GABRB2: variants seen among roughly 807,000 people sequenced by gnomAD.
The protein encoded by GABRB2 is gamma-aminobutyric acid receptor subunit beta-2.
Under a neutral mutation model 54.7 loss-of-function variants are expected in GABRB2, and 16 were observed. The ratio of observed to expected loss-of-function variants is 0.29; its 90% CI spans 0.20 to 0.44. The LOEUF is 0.44. Among genes scored for constraint, GABRB2 ranks in the 20% least tolerant of loss-of-function variants. The probability of loss-of-function intolerance (pLI) is 1.00; values close to 1 mark genes in which losing one functional copy is unlikely to be tolerated. For missense variants in GABRB2, 355 were observed against 644.0 expected (o/e 0.55, Z 4.86); for synonymous variants, 244 against 233.8 (o/e 1.04, Z -0.40).
At chr5:161,322,829 A>G (rs1758250359) in intron 9 of GABRB2, among the ~76,000 whole-genome samples, 1 of 152,074 alleles carries the variant, frequency 6.6e-6, no homozygotes, top group African/African-American at 2.4e-5. Flanking sequence ...TTAGTTTCAT[A>G]AGGATTGCTT....
intron 4 of GABRB2, among the ~76,000 whole-genome samples, chr5:161,444,595 G>A (rs1381544744): frequency 6.6e-6 from 1 of 152,084 alleles, no homozygotes; most frequent in Non-Finnish European, 1.5e-5. Flanking sequence ...ACTCATATTT[G>A]CACTTAATTT....
At chr5:161,503,600 C>T (rs1244036797) in intron 3 of GABRB2, among the ~76,000 whole-genome samples, 3 of 150,460 alleles carry the variant, frequency 2.0e-5, no homozygotes, top group Non-Finnish European at 3.0e-5. Flanking sequence ...CCCAGCTACT[C>T]GGGAGACTGA....
intron 5 of GABRB2, among the ~76,000 whole-genome samples, chr5:161,395,550 C>T (rs1755969938): frequency 6.6e-6 from 1 of 152,096 alleles, no homozygotes; most frequent in Non-Finnish European, 1.5e-5. Flanking sequence ...TATGAAATAA[C>T]ACATATAAGT....
At chr5:161,346,345 G>A (rs1368233076) in intron 5 of GABRB2, among the ~76,000 whole-genome samples, 2 of 152,026 alleles carry the variant, frequency 1.3e-5, no homozygotes, top group Non-Finnish European at 2.9e-5. Context: ...ATGTTCCCTG[G>A]CGAAAAGTGG....
chr5:161,335,529 C>A (rs1753967214), intron 6 of GABRB2, among the ~76,000 whole-genome samples: 1 of 152,026 alleles, frequency 6.6e-6, no homozygotes. Context: ...AATCTGGGTT[C>A]TTTGATTGGA....
At chr5:161,510,249 C>T (rs976658678) in intron 3 of GABRB2, among the ~76,000 whole-genome samples, 5 of 151,488 alleles carry the variant, frequency 3.3e-5, no homozygotes, top group Non-Finnish European at 5.9e-5. Context: ...CCCCCAGCTC[C>T]CCCCCAACCT....
chr5:161,317,718 A>G (rs918609536), intron 9 of GABRB2, among the ~76,000 whole-genome samples: 2 of 152,110 alleles, frequency 1.3e-5, no homozygotes, highest in African/African-American at 4.8e-5. Flanking sequence ...AAAATATCTG[A>G]AATACACATA....
At chr5:161,427,184 C>G (rs1757024911) in intron 4 of GABRB2, among the ~76,000 whole-genome samples, 1 of 152,070 alleles carries the variant, frequency 6.6e-6, no homozygotes, top group South Asian at 2.1e-4. Flanking sequence ...TGAATGAACT[C>G]TGTCTAACTG....
chr5:161,350,883 G>A (rs1385718106), intron 5 of GABRB2, among the ~76,000 whole-genome samples: 1 of 151,976 alleles, frequency 6.6e-6, no homozygotes, highest in Non-Finnish European at 1.5e-5. Context: ...GACTCTCCAG[G>A]GGGTCTCTGG....
At chr5:161,421,388 C>T (rs1326997188) in intron 4 of GABRB2, among the ~76,000 whole-genome samples, 2 of 152,172 alleles carry the variant, frequency 1.3e-5, no homozygotes, top group Non-Finnish European at 2.9e-5. Context: ...CCTCTCTTTC[C>T]CACCGCCACA....
At chr5:161,503,446 A>G (rs1759507841) in intron 3 of GABRB2, among the ~76,000 whole-genome samples, 1 of 152,080 alleles carries the variant, frequency 6.6e-6, no homozygotes, top group Non-Finnish European at 1.5e-5. Context: ...ATAATTAATC[A>G]CATTAAAAGT....
intron 6 of GABRB2, among the ~76,000 whole-genome samples, chr5:161,335,766 TTAGGAAAAG>T (rs1338449045): frequency 6.6e-6 from 1 of 152,150 alleles, no homozygotes; most frequent in Non-Finnish European, 1.5e-5. Context: ...GACCTCAAAC[TTAGGAAAAG>T]TTTCTGTTTG....
At chr5:161,411,768 CTTTCTA>C (rs1473307165) in intron 4 of GABRB2, among the ~76,000 whole-genome samples, 1 of 151,784 alleles carries the variant, frequency 6.6e-6, no homozygotes, top group Non-Finnish European at 1.5e-5. Context: ...TTTTACTAAT[CTTTCTA>C]TTGACCTTCT....
chr5:161,413,855 G>A (rs1756589827), intron 4 of GABRB2, among the ~76,000 whole-genome samples: 1 of 152,152 alleles, frequency 6.6e-6, no homozygotes, highest in Non-Finnish European at 1.5e-5. Flanking sequence ...GTTAATGAGT[G>A]AAGTTTGCAA....
Position 161,289,801 on chromosome 5 carries a change from GTGTGTGTGTGTGACTGTGTGTGAC to G in GABRB2, c.*4256_*4279del, listed in dbSNP as rs1580949959. 7.6e-6 allele frequency: 1 copy of G among 130,728 alleles called. No homozygotes were observed. The highest frequency in any genetic ancestry group is 3.4e-5 in the African/African-American group (1 of 29,288). The allele number at this position is 130,728 out of a possible 1,614,324, so 8.1% of individuals were successfully genotyped here. ...ATTATGTGTGTTTGAGTGTGTGTGT[GTGTGTGTGTGTGACTGTGTGTGAC>G]TGTGTGTGTGATAGCAAATTGAAAC... is the stretch of plus-strand genomic sequence containing the variant. On this transcript the variant is annotated 3_prime_UTR_variant, in exon 10 of 10. Coordinates refer to ENST00000393959, the MANE Select transcript of GABRB2 (RefSeq NM_001371727.1).
intron 5 of GABRB2, among the ~76,000 whole-genome samples, chr5:161,385,914 T>C (rs902271081): frequency 1.3e-5 from 2 of 151,394 alleles, no homozygotes; most frequent in African/African-American, 4.9e-5. Context: ...GCTTGGCACA[T>C]AGTTAACTTT....
intron 4 of GABRB2, among the ~76,000 whole-genome samples, chr5:161,423,114 A>T (rs542076208): frequency 3.9e-4 from 59 of 152,142 alleles, no homozygotes; most frequent in Non-Finnish European, 5.7e-4. Flanking sequence ...TAAATTATTT[A>T]TTCATGTATT....
intron 4 of GABRB2, among the ~76,000 whole-genome samples, chr5:161,445,795 C>T (rs1026200319): frequency 3.9e-5 from 6 of 152,122 alleles, no homozygotes; most frequent in African/African-American, 1.4e-4. Context: ...AACCAATGTC[C>T]ATCTTACATG....
intron 5 of GABRB2, among the ~76,000 whole-genome samples, chr5:161,408,722 A>T (rs560252068): frequency 6.6e-6 from 1 of 152,130 alleles, no homozygotes; most frequent in Non-Finnish European, 1.5e-5. Context: ...AGGGAAAAAC[A>T]GAGGGAAGGA....
Sources: allele counts gnomAD v4.1 joint callset (sites outside exome capture counted in the v4.1 genomes callset), GRCh38; gene constraint gnomAD v4.1.1; transcripts MANE v1.5; gene names NCBI Gene and HGNC (gene_info 2026-07-23, HGNC 2026-07-21).